Variants in CYTH4 observed in about 807,000 individuals in gnomAD.
CYTH4 encodes cytohesin-4.
Under a neutral mutation model 57.5 loss-of-function variants are expected in CYTH4, and 22 were observed. That is an observed-to-expected ratio of 0.38 (90% confidence interval 0.27 to 0.55). The LOEUF (loss-of-function observed/expected upper bound fraction) is 0.55. Among genes scored for constraint, CYTH4 ranks in the 20% least tolerant of loss-of-function variants. The pLI, the probability that CYTH4 is intolerant of heterozygous loss-of-function variation, is 0.74. For missense variants in CYTH4, 420 were observed against 535.6 expected, an observed-to-expected ratio of 0.78 and a Z score of 2.13; for synonymous variants, 186 against 206.5, an observed-to-expected ratio of 0.90 and a Z score of 0.85.
Position 37,314,733 on chromosome 22 carries a change from C to G in CYTH4, c.*1222C>G, listed in dbSNP as rs1003711193. 4 of 268,930 alleles carry G rather than the reference C, an allele frequency of 1.5e-5. No individual in the cohort carries two copies. Among genetic ancestry groups the G allele is most frequent in the African/African-American group, 8.8e-5 (4 of 45,610 alleles). 16.7% of individuals were successfully genotyped at this position (268,930 alleles called of 1,614,324 possible). ...TCCACTAACAGGAAACACTTCTCAC[C>G]CCCTCACACAGGCCCAGGGGAGCCC... On this transcript the variant is annotated 3_prime_UTR_variant, in exon 13 of 13. Transcript: ENST00000248901.
chr22:37,282,643 GACAGCAGCCCCTGCCTC>G (rs1485988733), intron 1 of CYTH4, 55 bp downstream of exon 1: 12 of 1,480,224 alleles, frequency 8.1e-6, no homozygotes, highest in Non-Finnish European at 1.1e-5. Context: ...TTTAGAATGG[GACAGCAGCCCCTGCCTC>G]ACAGGGTCCT....
chr22:37,292,643 G>A lies in CYTH4; in HGVS notation c.42G>A (p.Gly14=). Residue 14 remains glycine (G), a synonymous_variant, in exon 2 of 13, where the codon GGG becomes GGA. Coordinates refer to ENST00000248901, the MANE Select transcript of CYTH4 (RefSeq NM_013385.5). ...TAGAGCCCGCGGAGCTGAGCAGCGGGGAGACGGAAGAGTTACAGAGGATCA... is the reference window on the plus strand; with the variant it reads ...TAGAGCCCGCGGAGCTGAGCAGCGGAGAGACGGAAGAGTTACAGAGGATCA... The part of the protein sequence containing the change: ...CHPEPAELSS[G]ETEELQRIKW... 1 of 1,613,928 alleles carries A rather than the reference G, an allele frequency of 6.2e-7. No individual in the cohort carries two copies. The highest frequency in any genetic ancestry group is 8.5e-7 in the Non-Finnish European group (1 of 1,179,982).
chr22:37,286,974 G>A (rs1928583612), intron 1 of CYTH4, among the ~76,000 whole-genome samples: 1 of 152,160 alleles, frequency 6.6e-6, no homozygotes, highest in South Asian at 2.1e-4. Context: ...GAAATAGACA[G>A]GACTTGGTGA....
intron 8 of CYTH4, among the ~76,000 whole-genome samples, chr22:37,305,577 C>T (rs1475142873): frequency 2.6e-5 from 4 of 152,074 alleles, no homozygotes; most frequent in African/African-American, 9.7e-5. Context: ...CTGAAGCTTC[C>T]CAGGTCAAAA....
chr22:37,306,587 A>G (rs1030688223), intron 8 of CYTH4, among the ~76,000 whole-genome samples: 1 of 152,190 alleles, frequency 6.6e-6, no homozygotes, highest in African/African-American at 2.4e-5. Flanking sequence ...CTTTCCAGCT[A>G]CCAGTTACTT....
intron 1 of CYTH4, among the ~76,000 whole-genome samples, chr22:37,291,993 G>T (rs1042544084): frequency 6.6e-6 from 1 of 152,106 alleles, no homozygotes. Context: ...CCAGGGGCAG[G>T]GACTATAAAA....
intron 6 of CYTH4, 36 bp downstream of exon 6, chr22:37,299,342 G>T (rs772249770): frequency 4.4e-6 from 7 of 1,587,538 alleles, no homozygotes; most frequent in Non-Finnish European, 6.1e-6. Flanking sequence ...GGCCCTCAAG[G>T]GTGGCACAGC....
chr22:37,283,497 G>T (rs1231175277), intron 1 of CYTH4, among the ~76,000 whole-genome samples: 1 of 152,134 alleles, frequency 6.6e-6, no homozygotes, highest in East Asian at 1.9e-4. Flanking sequence ...TTGTCCAGGA[G>T]CACCCTTGCT....
chr22:37,287,766 C>T (rs1928606880), intron 1 of CYTH4, among the ~76,000 whole-genome samples: 2 of 152,198 alleles, frequency 1.3e-5, no homozygotes, highest in African/African-American at 4.8e-5. Context: ...GTGAATGAGA[C>T]CTGGGGCGAG....
At chr22:37,306,270 G>A (rs1164732305) in intron 8 of CYTH4, among the ~76,000 whole-genome samples, 2 of 152,178 alleles carry the variant, frequency 1.3e-5, no homozygotes, top group Non-Finnish European at 2.9e-5. Flanking sequence ...AGAAACTGAG[G>A]CCCAGGCAGA....
At chr22:37,309,435 A>C in intron 9 of CYTH4, 112 bp downstream of exon 9, 1 of 935,384 alleles carries the variant, frequency 1.1e-6, no homozygotes, top group Non-Finnish European at 1.7e-6. Flanking sequence ...CGAGGCTCAC[A>C]TGCATCCTGG....
intron 9 of CYTH4, 113 bp from the exon 10 acceptor site, chr22:37,310,875 G>A: frequency 9.0e-7 from 1 of 1,106,340 alleles, no homozygotes; most frequent in Non-Finnish European, 1.3e-6. Flanking sequence ...ACGAAGTTTA[G>A]GGCACTCAGC....
chr22:37,287,456 G>A (rs1321791675), intron 1 of CYTH4, among the ~76,000 whole-genome samples: 1 of 152,206 alleles, frequency 6.6e-6, no homozygotes, highest in African/African-American at 2.4e-5. Context: ...CAGGAAAACT[G>A]TATAAAGCCA....
At chr22:37,299,535 A>C (rs1929107291) in intron 6 of CYTH4, among the ~76,000 whole-genome samples, 1 of 152,214 alleles carries the variant, frequency 6.6e-6, no homozygotes, top group Non-Finnish European at 1.5e-5. Context: ...CTTAGTTAGA[A>C]TTCTATCATG....
chr22:37,297,867 A>T, intron 5 of CYTH4, 185 bp downstream of exon 5: 1 of 528,998 alleles, frequency 1.9e-6, no homozygotes. Flanking sequence ...TCATTTAGTC[A>T]TTTATTCAAC....
At chr22:37,313,075 G>A (rs988601493) in intron 12 of CYTH4, among the ~76,000 whole-genome samples, 4 of 152,240 alleles carry the variant, frequency 2.6e-5, no homozygotes, top group Middle Eastern at 3.2e-3. Flanking sequence ...ACAGAACCAG[G>A]GACAGAGCAG....
At chr22:37,285,973 A>G (rs977167909) in intron 1 of CYTH4, among the ~76,000 whole-genome samples, 2 of 152,086 alleles carry the variant, frequency 1.3e-5, no homozygotes, top group Non-Finnish European at 1.5e-5. Context: ...ACACTTGTCA[A>G]CCAGAAGGGA....
chr22:37,309,734 G>A (rs1929566192), intron 9 of CYTH4, among the ~76,000 whole-genome samples: 1 of 152,226 alleles, frequency 6.6e-6, no homozygotes, highest in Non-Finnish European at 1.5e-5. Context: ...TCAGGGATCT[G>A]CCTGAGGCCA....
intron 6 of CYTH4, among the ~76,000 whole-genome samples, chr22:37,299,609 G>C (rs1929109925): frequency 6.6e-6 from 1 of 152,126 alleles, no homozygotes; most frequent in Non-Finnish European, 1.5e-5. Context: ...TTTTGGATTA[G>C]TGCATGTTTT....
Sources: gnomAD v4.1 joint callset for allele counts (sites outside exome capture counted in the v4.1 genomes callset) on GRCh38, gnomAD v4.1.1 for gene constraint, MANE v1.5 for transcripts, NCBI Gene and HGNC (gene_info 2026-07-23, HGNC 2026-07-21) for gene names.